The following DGKH variants were observed in gnomAD, a reference collection of about 807,000 sequenced individuals.
The protein encoded by DGKH is DAG kinase eta.
In DGKH, 90 loss-of-function variants were observed where a neutral mutation model predicts 159.3. The observed-to-expected ratio is 0.57, with a 90% CI of 0.48 to 0.67. The LOEUF (loss-of-function observed/expected upper bound fraction) is 0.67. Among genes scored for constraint, DGKH ranks in the 30% least tolerant of loss-of-function variants. The pLI is 0.00. For missense variants in DGKH, 1,181 were observed against 1,506.1 expected, an observed-to-expected ratio of 0.78 and a Z score of 3.57; for synonymous variants, 536 against 553.8, an observed-to-expected ratio of 0.97 and a Z score of 0.45.
intron 1 of DGKH, among the ~76,000 whole-genome samples, chr13:42,108,195 G>T (rs1174364240): frequency 6.6e-6 from 1 of 152,176 alleles, no homozygotes; most frequent in Non-Finnish European, 1.5e-5. Context: ...GGGGGTCATT[G>T]TTATAGTCTA....
rs562659803 is a variant in DGKH at position 42,230,484 on chromosome 13, C to A, written c.*1296C>A. 6.6e-6 allele frequency: 1 copy of A among 151,952 alleles called. No homozygotes were observed. The allele number at this position is 151,952 out of a possible 1,614,324, so 9.4% of individuals were successfully genotyped here. A position where few individuals can be genotyped will look rare whatever the true frequency, so the allele number is the denominator to read the frequency against. On this transcript the variant is annotated 3_prime_UTR_variant, in exon 30 of 30. Coordinates refer to ENST00000337343, the MANE Select transcript of DGKH (RefSeq NM_178009.5). ...CAAATCTTTGAAAGCCAAAGGCATA[C>A]GTATCAAAAAGTCACAAAAATATCC...
In DGKH at chr13:42,214,721, A is replaced by G. The variant is rs1438674528; in HGVS notation, c.3120+109A>G. 4.2e-6 allele frequency: 4 copies of G among 954,516 alleles called. No individual in the cohort carries two copies. The East Asian group carries it at 8.9e-5, about 21-fold the overall frequency. 59.1% of individuals were successfully genotyped at this position (954,516 alleles called of 1,614,324 possible). On this transcript the variant is annotated intron_variant, in intron 25 of 29. Coordinates refer to ENST00000337343, the MANE Select transcript of DGKH (RefSeq NM_178009.5). The stretch of plus-strand genomic sequence containing the variant: ...CCTGTGACAGAAAGTTATGTTGTCT[A>G]TATGAGTCTCTACAAACCTGCAGTA...
At chr13:42,219,204 T>C (rs1163586443) in intron 26 of DGKH, 26 bp from the exon 27 acceptor site, 2 of 1,612,632 alleles carry the variant, frequency 1.2e-6, no homozygotes, top group South Asian at 2.2e-5. Context: ...TTGTTTTGTT[T>C]TGTCTTTTAA....
chr13:42,070,323 A>G, intron 1 of DGKH: 4 of 1,371,168 alleles, frequency 2.9e-6, no homozygotes, highest in Non-Finnish European at 4.2e-6. Context: ...GAAGCTCCTG[A>G]CGATCTTCCT....
intron 1 of DGKH, among the ~76,000 whole-genome samples, chr13:42,082,616 A>G (rs1305375820): frequency 2.2e-4 from 33 of 152,190 alleles, no homozygotes; most frequent in Non-Finnish European, 8.8e-5. Flanking sequence ...AGTAGAAATA[A>G]TGTTTGTAAA....
chr13:42,250,417 A>G (rs1958613173), intron 29 of DGKH, among the ~76,000 whole-genome samples: 2 of 152,180 alleles, frequency 1.3e-5, no homozygotes, highest in East Asian at 1.9e-4. Flanking sequence ...AACCTTTATC[A>G]TTTCTTGATG....
chr13:42,137,188 A>G (rs1275774600), intron 3 of DGKH, among the ~76,000 whole-genome samples: 1 of 152,164 alleles, frequency 6.6e-6, no homozygotes, highest in African/African-American at 2.4e-5. Flanking sequence ...TTCTCCATTA[A>G]TCTATCAATA....
At chr13:42,248,461 A>G (rs933805359) in intron 29 of DGKH, among the ~76,000 whole-genome samples, 1 of 147,390 alleles carries the variant, frequency 6.8e-6, no homozygotes, top group Non-Finnish European at 1.5e-5. Context: ...ATACATAAGT[A>G]TAATATATAA....
At chr13:42,243,782 A>G (rs925630866), downstream of DGKH, among the ~76,000 whole-genome samples, 1 of 152,148 alleles carries the variant, frequency 6.6e-6, no homozygotes, top group Non-Finnish European at 1.5e-5. Flanking sequence ...GCTGAAACAT[A>G]AGGGAGAGAT....
chr13:42,056,693 G>A (rs1275567717), intron 1 of DGKH, among the ~76,000 whole-genome samples: 2 of 152,198 alleles, frequency 1.3e-5, no homozygotes, highest in Non-Finnish European at 2.9e-5. Context: ...GGTTCCAGAT[G>A]CCTTGCTTTC....
intron 26 of DGKH, among the ~76,000 whole-genome samples, chr13:42,216,855 G>A (rs1212742021): frequency 6.6e-6 from 1 of 152,134 alleles, no homozygotes; most frequent in Non-Finnish European, 1.5e-5. Flanking sequence ...TCTTCTGCTG[G>A]TCCTATAGGA....
intron 24 of DGKH, among the ~76,000 whole-genome samples, chr13:42,212,813 A>G (rs2138211907): frequency 6.6e-6 from 1 of 152,332 alleles, no homozygotes; most frequent in Non-Finnish European, 1.5e-5. Context: ...GACATGAGGC[A>G]CACAGTGGAC....
At chr13:42,109,733 T>C (rs572050022) in intron 1 of DGKH, among the ~76,000 whole-genome samples, 63 of 152,306 alleles carry the variant, frequency 4.1e-4, no homozygotes, top group African/African-American at 1.4e-3. Context: ...CCTTCATCTC[T>C]GACCATTTCT....
At chr13:42,120,831 G>A (rs895264499) in intron 1 of DGKH, among the ~76,000 whole-genome samples, 2 of 152,018 alleles carry the variant, frequency 1.3e-5, no homozygotes, top group Non-Finnish European at 2.9e-5. Context: ...GTGTATGTGC[G>A]CACATGCAGG....
intron 1 of DGKH, among the ~76,000 whole-genome samples, chr13:42,122,684 G>A (rs1163223609): frequency 6.6e-6 from 1 of 152,158 alleles, no homozygotes; most frequent in Admixed American, 6.5e-5. Flanking sequence ...ATAATAGACA[G>A]TGTCAGTCTT....
At chr13:42,103,432 A>C (rs948410485) in intron 1 of DGKH, among the ~76,000 whole-genome samples, 5 of 152,222 alleles carry the variant, frequency 3.3e-5, no homozygotes, top group African/African-American at 1.2e-4. Context: ...GTTAACAAAA[A>C]AACCCACATC....
chr13:42,119,340 T>C (rs1411381353), intron 1 of DGKH, among the ~76,000 whole-genome samples: 1 of 152,220 alleles, frequency 6.6e-6, no homozygotes, highest in African/African-American at 2.4e-5. Flanking sequence ...GGAATGGATT[T>C]AGAGTAACAA....
chr13:42,108,492 G>A (rs1212569963), intron 1 of DGKH, among the ~76,000 whole-genome samples: 3 of 152,132 alleles, frequency 2.0e-5, no homozygotes, highest in Non-Finnish European at 4.4e-5. Context: ...ACCCAGTGCC[G>A]TGTAGTTAGC....
At chr13:42,120,370 A>C (rs1955045353) in intron 1 of DGKH, among the ~76,000 whole-genome samples, 1 of 152,228 alleles carries the variant, frequency 6.6e-6, no homozygotes, top group South Asian at 2.1e-4. Context: ...TATGTAGTAT[A>C]TCTTCAAAAA....
Sources: allele counts gnomAD v4.1 joint callset (sites outside exome capture counted in the v4.1 genomes callset), GRCh38; gene constraint gnomAD v4.1.1; transcripts MANE v1.5; gene names NCBI Gene and HGNC (gene_info 2026-07-23, HGNC 2026-07-21).